GABPA: variants seen among roughly 807,000 people sequenced by gnomAD.
GABPA encodes the protein GA binding protein transcription factor subunit alpha.
Under a neutral mutation model 59.4 loss-of-function variants are expected in GABPA, and 4 were observed. The ratio of observed to expected loss-of-function variants is 0.07; its 90% CI spans 0.03 to 0.15. The LOEUF is 0.15. Among genes scored for constraint, GABPA ranks in the 10% least tolerant of loss-of-function variants. The pLI is 1.00. For missense variants in GABPA, 251 were observed against 543.8 expected (o/e 0.46, Z 5.36); for synonymous variants, 164 against 183.1 (o/e 0.90, Z 0.84).
chr21:25,750,876 A>G (rs1476068163), intron 4 of GABPA, among the ~76,000 whole-genome samples: 1 of 152,228 alleles, frequency 6.6e-6, no homozygotes, highest in African/African-American at 2.4e-5. Context: ...ATTTTAACAA[A>G]AAATATTTTT....
At position 25,759,961 on chromosome 21, in the gene GABPA, T is replaced by C. The variant is rs1023707117; in HGVS notation, c.748+1757T>C. ...GGTTCTCTTATTGCTTCTCAAACTTTAAAGCTTATTCATAGGCTTTTCCCA... is the reference window on the plus strand; with the variant it reads ...GGTTCTCTTATTGCTTCTCAAACTTCAAAGCTTATTCATAGGCTTTTCCCA... On this transcript the variant is annotated intron_variant, in intron 6 of 9. Transcript: ENST00000400075. 5.9e-5 allele frequency among the ~76,000 whole-genome samples: 9 copies of C among 152,350 alleles called. No individual in the cohort carries two copies. The East Asian group carries it at 1.7e-3, about 29-fold the overall frequency.
At chr21:25,757,937 A>G in intron 5 of GABPA, 73 bp from the exon 6 acceptor site, 1 of 680,598 alleles carries the variant, frequency 1.5e-6, no homozygotes, top group East Asian at 3.6e-5. Context: ...ATGTGTGTGT[A>G]TTGAGAAGTT....
chr21:25,743,584 CT>C (rs58148744), intron 2 of GABPA, among the ~76,000 whole-genome samples: 22,322 of 134,486 alleles, frequency 0.17, 1,767 homozygotes, highest in East Asian at 0.32. Flanking sequence ...ATGAGATCAT[CT>C]TTTTTTTTTT....
At chr21:25,755,430 T>C (rs1163658563) in intron 5 of GABPA, among the ~76,000 whole-genome samples, 12 of 118,136 alleles carry the variant, frequency 1.0e-4, no homozygotes, top group Non-Finnish European at 1.8e-4. Context: ...AGCAAGACTG[T>C]CTAAAAAAAA....
chr21:25,738,190 G>A (rs935150933), intron 1 of GABPA, among the ~76,000 whole-genome samples: 3 of 152,136 alleles, frequency 2.0e-5, no homozygotes, highest in African/African-American at 7.2e-5. Flanking sequence ...AACTGCTCTC[G>A]TTATTTAATT....
intron 3 of GABPA, among the ~76,000 whole-genome samples, chr21:25,746,835 A>G (rs1054707715): frequency 3.3e-5 from 5 of 152,226 alleles, no homozygotes; most frequent in Non-Finnish European, 7.3e-5. Flanking sequence ...TCACTTGGGT[A>G]GGTAAAGATA....
chr21:25,747,173 C>T (rs143029150), intron 3 of GABPA, among the ~76,000 whole-genome samples: 2 of 152,182 alleles, frequency 1.3e-5, no homozygotes, highest in African/African-American at 4.8e-5. Context: ...CCAGAACTCT[C>T]TTCACTTGTT....
At chr21:25,740,528 C>G (rs1355204261) in intron 1 of GABPA, among the ~76,000 whole-genome samples, 1 of 152,170 alleles carries the variant, frequency 6.6e-6, no homozygotes, top group African/African-American at 2.4e-5. Flanking sequence ...GTATTAACAC[C>G]TCAGACATGT....
chr21:25,751,852 C>G (rs2035521050), intron 4 of GABPA, 137 bp from the exon 5 acceptor site: 2 of 830,176 alleles, frequency 2.4e-6, no homozygotes, highest in Admixed American at 5.7e-5. Context: ...CCAGATTCCC[C>G]AAATGTTAAC....
intron 1 of GABPA, among the ~76,000 whole-genome samples, chr21:25,740,161 C>G (rs1004085786): frequency 2.0e-5 from 3 of 152,210 alleles, no homozygotes; most frequent in Non-Finnish European, 4.4e-5. Context: ...CATGGAGCCA[C>G]AAGTGGTTTA....
intron 4 of GABPA, among the ~76,000 whole-genome samples, chr21:25,751,174 A>T (rs184216547): frequency 6.6e-6 from 1 of 152,068 alleles, no homozygotes; most frequent in African/African-American, 2.4e-5. Context: ...AGTATATCTT[A>T]TAGAGAGTAC....
At chr21:25,754,527 T>C (rs1236198186) in intron 5 of GABPA, among the ~76,000 whole-genome samples, 1 of 152,176 alleles carries the variant, frequency 6.6e-6, no homozygotes, top group Non-Finnish European at 1.5e-5. Flanking sequence ...ACAAGGGCTC[T>C]TCATTTTTGT....
At chr21:25,763,283 C>T (rs1728162494) in intron 7 of GABPA, 3 of 360,000 alleles carry the variant, frequency 8.3e-6, no homozygotes, top group Admixed American at 3.6e-5. Flanking sequence ...TTTTTCCCCC[C>T]TTTTCAGCAT....
chr21:25,747,018 C>T (rs867760711), intron 3 of GABPA, among the ~76,000 whole-genome samples: 11 of 152,146 alleles, frequency 7.2e-5, no homozygotes, highest in African/African-American at 2.4e-5. Flanking sequence ...AATTCTCTCA[C>T]GTAATCTTCA....
Position 25,735,027 on chromosome 21 carries a change from G to A in GABPA, c.-578G>A. The A allele has an allele frequency of 6.7e-7, 1 of 1,496,992 alleles. No homozygotes were observed. Among genetic ancestry groups the A allele is most frequent in the Non-Finnish European group, 9.1e-7 (1 of 1,104,882 alleles). The allele number at this position is 1,496,992 out of a possible 1,614,324, so 92.7% of individuals were successfully genotyped here. On this transcript the variant is annotated 5_prime_UTR_variant, in exon 1 of 10. Coordinates refer to ENST00000400075, the MANE Select transcript of GABPA (RefSeq NM_002040.4). ...TCTCGGAGACAGTCTGCGACCGGAC[G>A]GGTCTAGGTGAGACAGAAGCCAAAC...
intron 9 of GABPA, among the ~76,000 whole-genome samples, chr21:25,765,381 A>G (rs2035866201): frequency 6.6e-6 from 1 of 151,990 alleles, no homozygotes. Flanking sequence ...TAGTTCTGCA[A>G]TTCACGAGTT....
chr21:25,754,274 A>G (rs747928723), intron 5 of GABPA, among the ~76,000 whole-genome samples: 4 of 152,216 alleles, frequency 2.6e-5, no homozygotes, highest in Non-Finnish European at 4.4e-5. Flanking sequence ...TTAAAATTAC[A>G]TAATGGTCTG....
intron 9 of GABPA, among the ~76,000 whole-genome samples, chr21:25,767,236 G>C (rs920332764): frequency 2.0e-5 from 3 of 151,894 alleles, no homozygotes; most frequent in Non-Finnish European, 4.4e-5. Context: ...GCAGTGTTCT[G>C]TTTCTTGACC....
At chr21:25,759,034 C>T (rs1568949816) in intron 6 of GABPA, among the ~76,000 whole-genome samples, 4 of 152,108 alleles carry the variant, frequency 2.6e-5, no homozygotes, top group African/African-American at 9.7e-5. Context: ...TGCGCCACTA[C>T]ACTCCAGCAT....
Sources: allele counts gnomAD v4.1 joint callset (sites outside exome capture counted in the v4.1 genomes callset), GRCh38; gene constraint gnomAD v4.1.1; transcripts MANE v1.5; gene names NCBI Gene and HGNC (gene_info 2026-07-23, HGNC 2026-07-21).